FCRL5: variants seen among roughly 807,000 people sequenced by gnomAD.
The protein encoded by FCRL5 is Fc receptor like 5, also known as Fc receptor-like protein 5.
A neutral mutation model predicts 92.1 loss-of-function variants in FCRL5; 79 were observed. That is an observed-to-expected ratio of 0.86 (90% confidence interval 0.72 to 1.03). The LOEUF is 1.03. Among genes scored for constraint, FCRL5 ranks in the 50% least tolerant of loss-of-function variants. FCRL5 has a pLI of 0.00. For missense variants in FCRL5, 1,160 were observed against 1,181.1 expected, an observed-to-expected ratio of 0.98 and a Z score of 0.26; for synonymous variants, 466 against 469.3, an observed-to-expected ratio of 0.99 and a Z score of 0.09.
At chr1:157,517,591 A>G (rs1649985462) in intron 15 of FCRL5, among the ~76,000 whole-genome samples, 1 of 152,174 alleles carries the variant, frequency 6.6e-6, no homozygotes, top group South Asian at 2.1e-4. Context: ...AAGGAAGGGG[A>G]CATGGGTGCA....
chr1:157,552,258 A>G, intron 1 of FCRL5, 74 bp downstream of exon 1: 1 of 1,469,876 alleles, frequency 6.8e-7, no homozygotes. Flanking sequence ...AGCCCCAAGA[A>G]AGGACCAGGC....
intron 8 of FCRL5, among the ~76,000 whole-genome samples, chr1:157,531,715 G>A (rs1270186967): frequency 6.6e-6 from 1 of 152,090 alleles, no homozygotes; most frequent in Non-Finnish European, 1.5e-5. Flanking sequence ...AAATTATCCA[G>A]GCACAGAGAG....
At chr1:157,547,337 C>G in intron 2 of FCRL5, 140 bp from the exon 3 acceptor site, 1 of 1,117,834 alleles carries the variant, frequency 8.9e-7, no homozygotes, top group Non-Finnish European at 1.3e-6. Flanking sequence ...TAGCTCAAAG[C>G]TCCCTGTCAG....
chr1:157,533,914 AT>A, intron 8 of FCRL5: 1 of 161,586 alleles, frequency 6.2e-6, no homozygotes, highest in South Asian at 1.7e-4. Context: ...CTATCATACC[AT>A]TTGGCTTCTC....
In FCRL5 at chr1:157,515,723, G is replaced by T; in HGVS notation, c.2886C>A (p.Thr962=). The T allele has an allele frequency of 6.2e-7, 1 of 1,614,200 alleles. No homozygotes were observed. The highest frequency in any genetic ancestry group is 1.1e-5 in the South Asian group (1 of 91,086). The part of the protein sequence containing the change: ...IIYSEVKVAS[T]PVSGSLFLAS... ...CCAAGAACAGGGATCCGGAAACCGG[G>T]GTTGACGCCACCTTAACTTCAGAGT... The change falls in exon 17 of 17, where the codon ACC becomes ACA. Residue 962 remains threonine, a synonymous_variant. Transcript: ENST00000361835.
chr1:157,515,349 C>G lies in FCRL5; in HGVS notation c.*326G>C. ...ACTCTCCCTTTGTGTGGTAAGACCCCCTCTGTGGGGGTGTGATGAGAGCAG... is the reference window on the plus strand; with the variant it reads ...ACTCTCCCTTTGTGTGGTAAGACCCGCTCTGTGGGGGTGTGATGAGAGCAG... On this transcript the variant is annotated 3_prime_UTR_variant, in exon 17 of 17. Transcript: ENST00000361835. The G allele has an allele frequency of 5.3e-6, 2 of 373,948 alleles. No individual in the cohort carries two copies. The highest frequency in any genetic ancestry group is 1.0e-5 in the Non-Finnish European group (2 of 199,828). The allele number at this position is 373,948 out of a possible 1,614,324, so 23.2% of individuals were successfully genotyped here.
intron 6 of FCRL5, chr1:157,542,652 G>A: frequency 1.7e-6 from 1 of 582,990 alleles, no homozygotes; most frequent in South Asian, 3.1e-5. Flanking sequence ...TGCACCATCA[G>A]GCAGGGGTAT....
At chr1:157,522,394 T>A (rs1331491095) in intron 10 of FCRL5, 1 of 152,260 alleles carries the variant, frequency 6.6e-6, no homozygotes, top group Non-Finnish European at 1.5e-5. Flanking sequence ...TAGAGAGGAC[T>A]GTGCTTCAAC....
In FCRL5 at chr1:157,520,284, A is replaced by T. The variant is rs532089204; in HGVS notation, c.2632+147T>A. The T allele has an allele frequency of 4.4e-5, 28 of 632,212 alleles. 1 individual carries two copies. The South Asian group carries it at 5.4e-4, about 12-fold the overall frequency. The allele number at this position is 632,212 out of a possible 1,614,324, so 39.2% of individuals were successfully genotyped here. A position where few individuals can be genotyped will look rare whatever the true frequency, so the allele number is the denominator to read the frequency against. ...GTGCATTTGGTAAAAGCAATTCGGG[A>T]GGACCCAGCGGGAAAGGAAGAGGAT... is the stretch of plus-strand genomic sequence containing the variant. On this transcript the variant is annotated intron_variant, in intron 12 of 16. Transcript: ENST00000361835.
chr1:157,549,617 C>T, intron 1 of FCRL5, 37 bp from the exon 2 acceptor site: 1 of 1,598,880 alleles, frequency 6.3e-7, no homozygotes, highest in Non-Finnish European at 8.5e-7. Context: ...AGCACAGAAC[C>T]ATGATTATTT....
chr1:157,543,774 T>A (rs1651385145), intron 5 of FCRL5, among the ~76,000 whole-genome samples: 1 of 152,198 alleles, frequency 6.6e-6, no homozygotes, highest in South Asian at 2.1e-4. Flanking sequence ...CTGGGGTGCA[T>A]ATTTGTACTC....
chr1:157,515,890 G>C lies in FCRL5; in HGVS notation c.2813-17C>G. On this transcript the variant is annotated splice_polypyrimidine_tract_variant and intron_variant, in intron 15 of 16. Coordinates refer to ENST00000361835, the MANE Select transcript of FCRL5 (RefSeq NM_031281.3). ...CAGAGGCCACTGTGGAAAGAGGAAA[G>C]TGTTCAGTTGTGGAAGACTGGCATG... is the stretch of plus-strand genomic sequence containing the variant. 6.2e-7 allele frequency: 1 copy of C among 1,613,230 alleles called. No homozygotes were observed. Among genetic ancestry groups the C allele is most frequent in the Non-Finnish European group, 8.5e-7 (1 of 1,179,904 alleles).
At chr1:157,546,113 C>G (rs1651521923) in intron 3 of FCRL5, 3 of 275,336 alleles carry the variant, frequency 1.1e-5, no homozygotes, top group South Asian at 9.7e-5. Context: ...ATGAACAATT[C>G]TCCTGCCACT....
At chr1:157,535,651 A>G (rs1322277620) in intron 7 of FCRL5, among the ~76,000 whole-genome samples, 1 of 152,188 alleles carries the variant, frequency 6.6e-6, no homozygotes, top group Non-Finnish European at 1.5e-5. Context: ...TATAAAAAAG[A>G]TATTTGTTAT....
intron 4 of FCRL5, 64 bp downstream of exon 4, chr1:157,544,767 A>G (rs183786775): frequency 3.1e-4 from 490 of 1,594,266 alleles, no homozygotes; most frequent in East Asian, 4.5e-4. Context: ...CTCCTGTTCT[A>G]TCTCTATGAC....
At chr1:157,542,725 A>C in intron 6 of FCRL5, 134 bp downstream of exon 6, 1 of 1,076,180 alleles carries the variant, frequency 9.3e-7, no homozygotes, top group Non-Finnish European at 1.4e-6. Context: ...AGTGAGCCGG[A>C]GAGTGGAGGA....
Position 157,518,529 on chromosome 1 carries a change from T to G in FCRL5, c.2744-32A>C, listed in dbSNP as rs1346143572. The stretch of plus-strand genomic sequence containing the variant: ...AAAAAGTTGAAGTTTCAGAGGATGC[T>G]GAGGTTCTTGCCTCTTGTTAGAGAT... On this transcript the variant is annotated intron_variant, in intron 14 of 16. Coordinates refer to ENST00000361835, the MANE Select transcript of FCRL5 (RefSeq NM_031281.3). 3.8e-6 allele frequency: 6 copies of G among 1,584,212 alleles called. No individual in the cohort carries two copies. The South Asian group carries it at 5.5e-5, about 15-fold the overall frequency.
intron 6 of FCRL5, among the ~76,000 whole-genome samples, chr1:157,541,437 G>A (rs1447577492): frequency 6.6e-6 from 1 of 152,198 alleles, no homozygotes; most frequent in African/African-American, 2.4e-5. Flanking sequence ...TCTAAATATG[G>A]TCTAAACATA....
rs547856162 is a variant in FCRL5 at position 157,514,060 on chromosome 1, G to C, written c.*1615C>G. ...AGGTGTCTGGTTTCCTCCTTGAAAG[G>C]TTGGGGCAGCAGAGCCAGCCCTGTC... On this transcript the variant is annotated 3_prime_UTR_variant, in exon 17 of 17. Coordinates refer to ENST00000361835, the MANE Select transcript of FCRL5 (RefSeq NM_031281.3). 3.3e-5 allele frequency: 5 copies of C among 152,278 alleles called. No individual in the cohort carries two copies. Among genetic ancestry groups the C allele is most frequent in the African/African-American group, 1.2e-4 (5 of 41,466 alleles). 9.4% of individuals were successfully genotyped at this position (152,278 alleles called of 1,614,324 possible). A position where few individuals can be genotyped will look rare whatever the true frequency, so the allele number is the denominator to read the frequency against.
Sources: allele counts gnomAD v4.1 joint callset (sites outside exome capture counted in the v4.1 genomes callset), GRCh38; gene constraint gnomAD v4.1.1; transcripts MANE v1.5; gene names NCBI Gene and HGNC (gene_info 2026-07-23, HGNC 2026-07-21).